The following DTNA variants were observed in gnomAD, a reference collection of about 807,000 sequenced individuals.
DTNA encodes the protein dystrophin-related protein 3.
A neutral mutation model predicts 100.7 loss-of-function variants in DTNA; 43 were observed. The observed-to-expected ratio is 0.43, with a 90% CI of 0.33 to 0.55. DTNA has a LOEUF of 0.55. Ranked by LOEUF, DTNA falls within the 20% of genes least tolerant of loss-of-function variation. The pLI, the probability that DTNA is intolerant of heterozygous loss-of-function variation, is 0.04. For missense variants in DTNA, 798 were observed against 953.9 expected (o/e 0.84, Z 2.15); for synonymous variants, 349 against 347.9 (o/e 1.00, Z -0.04).
At chr18:34,638,952 C>T (rs1463833888) in intron 1 of DTNA, among the ~76,000 whole-genome samples, 3 of 152,138 alleles carry the variant, frequency 2.0e-5, no homozygotes, top group Non-Finnish European at 4.4e-5. Flanking sequence ...AGTGATTCCC[C>T]AGCCTCAGCC....
chr18:34,727,315 T>C (rs1251341478), intron 1 of DTNA, among the ~76,000 whole-genome samples: 1 of 152,236 alleles, frequency 6.6e-6, no homozygotes, highest in African/African-American at 2.4e-5. Flanking sequence ...ATTTTTAATT[T>C]CCTTAAAATA....
intron 1 of DTNA, among the ~76,000 whole-genome samples, chr18:34,557,102 C>T (rs2046140992): frequency 6.6e-6 from 1 of 150,902 alleles, no homozygotes; most frequent in African/African-American, 2.5e-5. Flanking sequence ...TCCCTTCTCG[C>T]TTCATTTCAT....
intron 1 of DTNA, among the ~76,000 whole-genome samples, chr18:34,643,303 CATG>C (rs754753238): frequency 4.6e-5 from 7 of 152,154 alleles, no homozygotes; most frequent in Non-Finnish European, 7.4e-5. Context: ...AAGAAGAATG[CATG>C]ATGTTAGTTT....
At chr18:34,516,383 T>A (rs1437448605) in intron 1 of DTNA, among the ~76,000 whole-genome samples, 1 of 152,102 alleles carries the variant, frequency 6.6e-6, no homozygotes. Flanking sequence ...TTGGAATTGC[T>A]GATGAAGTTT....
At chr18:34,696,785 C>G (rs1353721570) in intron 1 of DTNA, among the ~76,000 whole-genome samples, 3 of 152,110 alleles carry the variant, frequency 2.0e-5, no homozygotes, top group Non-Finnish European at 4.4e-5. Context: ...AATGTCACTA[C>G]TCATAACCAA....
intron 1 of DTNA, among the ~76,000 whole-genome samples, chr18:34,685,230 A>G (rs1256575417): frequency 6.6e-6 from 1 of 152,128 alleles, no homozygotes. Context: ...TATGTCCTAA[A>G]TGGTTTTGCC....
intron 1 of DTNA, among the ~76,000 whole-genome samples, chr18:34,629,154 A>G (rs545724241): frequency 1.3e-5 from 2 of 152,340 alleles, no homozygotes; most frequent in East Asian, 3.9e-4. Context: ...AATAAAGAAC[A>G]ATCCTCACTA....
At chr18:34,735,954 A>C (rs1381833906) in intron 1 of DTNA, among the ~76,000 whole-genome samples, 1 of 151,764 alleles carries the variant, frequency 6.6e-6, no homozygotes, top group Non-Finnish European at 1.5e-5. Context: ...TCCTCACCCA[A>C]CTCACCCCCA....
intron 1 of DTNA, among the ~76,000 whole-genome samples, chr18:34,496,595 G>A (rs1359311595): frequency 6.6e-6 from 1 of 152,092 alleles, no homozygotes; most frequent in African/African-American, 2.4e-5. Context: ...TTTTTTCCAG[G>A]TGTGGGGTGC....
intron 1 of DTNA, among the ~76,000 whole-genome samples, chr18:34,724,440 TTAATGTTTTTAATTTA>T (rs1793783892): frequency 6.6e-6 from 1 of 152,214 alleles, no homozygotes; most frequent in African/African-American, 2.4e-5. Context: ...TTGATAATTT[TTAATGTTTTTAATTTA>T]TAAAGAAAAC....
intron 2 of DTNA, among the ~76,000 whole-genome samples, chr18:34,760,859 C>T (rs147538189): frequency 6.6e-6 from 1 of 152,184 alleles, no homozygotes; most frequent in African/African-American, 2.4e-5. Flanking sequence ...CTGGAATATA[C>T]TAAAGCTCTA....
chr18:34,815,119 AAAAT>A (rs1303976228), intron 6 of DTNA, among the ~76,000 whole-genome samples: 1 of 152,104 alleles, frequency 6.6e-6, no homozygotes, highest in African/African-American at 2.4e-5. Context: ...AATATTTTAA[AAAAT>A]AAATAAATAA....
In DTNA at chr18:34,746,964, G is replaced by T. The variant is rs192303964; in HGVS notation, c.-1-9012G>T. On this transcript the variant is annotated intron_variant, in intron 1 of 22. Coordinates refer to ENST00000444659, the MANE Select transcript of DTNA (RefSeq NM_001386795.1). ...ACTTGTACAGTCTTACCCAGAATAAGAGGTTTCTTCCTGACTTGAAAGAAC... is the reference window on the plus strand; with the variant it reads ...ACTTGTACAGTCTTACCCAGAATAATAGGTTTCTTCCTGACTTGAAAGAAC... 5.5e-4 allele frequency among the ~76,000 whole-genome samples: 83 copies of T among 152,182 alleles called. 1 individual carries two copies. The East Asian group carries it at 0.016, about 29-fold the overall frequency.
At chr18:34,535,783 G>A (rs942437036) in intron 1 of DTNA, among the ~76,000 whole-genome samples, 1 of 151,954 alleles carries the variant, frequency 6.6e-6, no homozygotes, top group African/African-American at 2.4e-5. Flanking sequence ...TGTCATGTTT[G>A]TCACAGATCA....
Position 34,667,941 on chromosome 18 carries a change from A to T in DTNA, c.-1-88035A>T, listed in dbSNP as rs2144866102. 2.0e-5 allele frequency among the ~76,000 whole-genome samples: 3 copies of T among 152,326 alleles called. No individual in the cohort carries two copies. In the East Asian group the frequency reaches 5.8e-4, roughly 29 times the overall value. ...GCATCAGGATGATGCTGGCCTCATA[A>T]AATGAGTTAGGGAGGATTCCCTCTT... On this transcript the variant is annotated intron_variant, in intron 1 of 19. Coordinates refer to the DTNA transcript ENST00000283365.
chr18:34,842,522 G>T lies in DTNA; in HGVS notation c.1346+3685G>T, dbSNP rs572989721. Among the ~76,000 whole-genome samples the T allele has an allele frequency of 2.0e-5, 3 of 152,154 alleles. No individual in the cohort carries two copies. In the East Asian group the frequency reaches 5.8e-4, roughly 29 times the overall value. On this transcript the variant is annotated intron_variant, in intron 13 of 22. Coordinates refer to ENST00000444659, the MANE Select transcript of DTNA (RefSeq NM_001386795.1). ...GGTGTACAAACCTGCATGTGACTTAGCCCTTGCCTACTCCTTTCTCAGCCT... is the reference window on the plus strand; with the variant it reads ...GGTGTACAAACCTGCATGTGACTTATCCCTTGCCTACTCCTTTCTCAGCCT...
Position 34,514,105 on chromosome 18 carries a change from C to T in DTNA, c.-2+20591C>T, listed in dbSNP as rs564296782. ...GGCTATTTAAGGACTCTAAAGATTG[C>T]TCTTAGTTATCTGTTATTTTATTAG... On this transcript the variant is annotated intron_variant, in intron 1 of 19. Transcript: ENST00000283365. Among the ~76,000 whole-genome samples, 102 of 152,214 alleles carry T rather than the reference C, an allele frequency of 6.7e-4. No homozygotes were observed. The South Asian group carries it at 0.021, about 31-fold the overall frequency.
chr18:34,602,946 T>G (rs1298158930), intron 1 of DTNA, among the ~76,000 whole-genome samples: 4 of 151,614 alleles, frequency 2.6e-5, no homozygotes, highest in Non-Finnish European at 1.5e-5. Context: ...GAGGTTGCAG[T>G]GAACCGAGAT....
At chr18:34,734,849 G>A (rs2147466063) in intron 1 of DTNA, among the ~76,000 whole-genome samples, 1 of 152,174 alleles carries the variant, frequency 6.6e-6, no homozygotes, top group Middle Eastern at 3.4e-3. Context: ...TCACACCAAG[G>A]ACTATCAGTG....
Sources: gnomAD v4.1 joint callset for allele counts (sites outside exome capture counted in the v4.1 genomes callset) on GRCh38, gnomAD v4.1.1 for gene constraint, MANE v1.5 for transcripts, NCBI Gene and HGNC (gene_info 2026-07-23, HGNC 2026-07-21) for gene names.